MBOAT2: variants seen among roughly 807,000 people sequenced by gnomAD.
The protein encoded by MBOAT2 is membrane bound glycerophospholipid O-acyltransferase 2.
In MBOAT2, 28 loss-of-function variants were observed where a neutral mutation model predicts 63.4. The ratio of observed to expected loss-of-function variants is 0.44; its 90% CI spans 0.33 to 0.61. The LOEUF is 0.61. Ranked by LOEUF, MBOAT2 falls within the 20% of genes least tolerant of loss-of-function variation. The pLI, the probability that MBOAT2 is intolerant of heterozygous loss-of-function variation, is 0.03. For synonymous variants in MBOAT2, 211 were observed against 215.6 expected, an observed-to-expected ratio of 0.98 and a Z score of 0.19; for missense variants, 470 against 605.8, an observed-to-expected ratio of 0.78 and a Z score of 2.35.
chr2:8,871,280 G>A (rs1662311896), intron 8 of MBOAT2, among the ~76,000 whole-genome samples: 1 of 152,136 alleles, frequency 6.6e-6, no homozygotes, highest in Non-Finnish European at 1.5e-5. Context: ...TTACAGGTAT[G>A]AGCCACGTGC....
chr2:8,973,575 A>G (rs999961184), intron 1 of MBOAT2, among the ~76,000 whole-genome samples: 7 of 151,300 alleles, frequency 4.6e-5, no homozygotes, highest in African/African-American at 9.7e-5. Context: ...AAGCAACAAT[A>G]TAAGTCATAT....
chr2:8,944,633 T>C (rs538753672), intron 2 of MBOAT2, among the ~76,000 whole-genome samples: 1 of 148,912 alleles, frequency 6.7e-6, no homozygotes, highest in East Asian at 2.0e-4. Context: ...AATAGGTCAG[T>C]CTATCTGTTT....
intron 4 of MBOAT2, among the ~76,000 whole-genome samples, chr2:8,897,018 G>A (rs1035046537): frequency 1.3e-5 from 2 of 152,208 alleles, no homozygotes; most frequent in African/African-American, 4.8e-5. Flanking sequence ...AGGTGGTATT[G>A]GAGTGTTACA....
chr2:8,883,994 G>A (rs1048426545), intron 5 of MBOAT2, among the ~76,000 whole-genome samples: 20 of 151,400 alleles, frequency 1.3e-4, no homozygotes, highest in Non-Finnish European at 2.4e-4. Flanking sequence ...AGGCCAAGGC[G>A]GGTGGATCAC....
chr2:8,917,671 G>C (rs1275606213), intron 3 of MBOAT2, among the ~76,000 whole-genome samples: 1 of 152,128 alleles, frequency 6.6e-6, no homozygotes, highest in African/African-American at 2.4e-5. Context: ...TGGGAAGTTT[G>C]GCAATTTCTT....
chr2:8,941,589 G>A (rs769173436), intron 3 of MBOAT2, among the ~76,000 whole-genome samples: 6 of 151,772 alleles, frequency 4.0e-5, no homozygotes, highest in African/African-American at 1.5e-4. Flanking sequence ...GCTTAAACCC[G>A]GGAGGCAGAG....
chr2:8,864,295 ATATAT>A (rs1661704930), intron 9 of MBOAT2, 61 bp from the exon 10 acceptor site: 1 of 926,788 alleles, frequency 1.1e-6, no homozygotes, highest in South Asian at 2.0e-5. Context: ...AAATATAATA[ATATAT>A]TATTATGCTA....
At position 8,882,777 on chromosome 2, in the gene MBOAT2, C is replaced by T. The variant is rs149222154; in HGVS notation, c.452-212G>A. Among the ~76,000 whole-genome samples, 59 of 152,268 alleles carry T rather than the reference C, an allele frequency of 3.9e-4. No individual in the cohort carries two copies. In the East Asian group the frequency reaches 0.01, roughly 27 times the overall value. Reference sequence around the variant, plus strand: ...TAACACATGGTTGGGTATCTGACTCCACTCTAAGGGGAGTTATAATTAAAG... The same window carrying T: ...TAACACATGGTTGGGTATCTGACTCTACTCTAAGGGGAGTTATAATTAAAG... On this transcript the variant is annotated intron_variant, in intron 5 of 12. Transcript: ENST00000305997.
At chr2:8,896,978 C>T (rs897270471) in intron 4 of MBOAT2, among the ~76,000 whole-genome samples, 1 of 152,224 alleles carries the variant, frequency 6.6e-6, no homozygotes, top group Non-Finnish European at 1.5e-5. Flanking sequence ...TCAGTGCTTT[C>T]GGGCTATGCC....
intron 1 of MBOAT2, among the ~76,000 whole-genome samples, chr2:8,994,639 G>A (rs1672145776): frequency 6.6e-6 from 1 of 152,220 alleles, no homozygotes; most frequent in Non-Finnish European, 1.5e-5. Flanking sequence ...GAGGTCCCAA[G>A]TCATGGGTCC....
chr2:8,950,404 A>C (rs1049781660), intron 2 of MBOAT2, among the ~76,000 whole-genome samples: 6 of 152,114 alleles, frequency 3.9e-5, no homozygotes, highest in Non-Finnish European at 7.4e-5. Context: ...TCCTGTTCTC[A>C]AGGAAATGCT....
chr2:8,898,521 C>A (rs1664657558), intron 4 of MBOAT2, among the ~76,000 whole-genome samples: 1 of 152,234 alleles, frequency 6.6e-6, no homozygotes, highest in Non-Finnish European at 1.5e-5. Flanking sequence ...ACACCTAGTA[C>A]CCTTGATTAG....
intron 3 of MBOAT2, among the ~76,000 whole-genome samples, chr2:8,917,598 G>A (rs994960321): frequency 6.6e-6 from 1 of 152,166 alleles, no homozygotes; most frequent in Non-Finnish European, 1.5e-5. Context: ...CTGCTGGTGG[G>A]AACAGAAAGG....
intron 1 of MBOAT2, among the ~76,000 whole-genome samples, chr2:8,984,129 T>C (rs572799745): frequency 8.9e-4 from 136 of 152,290 alleles, no homozygotes; most frequent in Non-Finnish European, 1.2e-3. Flanking sequence ...CTTGAAAACA[T>C]ATGCTAAGTG....
At chr2:9,002,554 T>C (rs1395092530) in intron 1 of MBOAT2, among the ~76,000 whole-genome samples, 1 of 152,050 alleles carries the variant, frequency 6.6e-6, no homozygotes, top group Non-Finnish European at 1.5e-5. Flanking sequence ...GTAAGCAAAA[T>C]TTCCAAAGTT....
intron 1 of MBOAT2, among the ~76,000 whole-genome samples, chr2:8,977,767 A>G (rs943485481): frequency 6.6e-6 from 1 of 152,074 alleles, no homozygotes; most frequent in Non-Finnish European, 1.5e-5. Context: ...CCACAAGGGA[A>G]CTGCTGATTC....
intron 8 of MBOAT2, among the ~76,000 whole-genome samples, chr2:8,870,172 A>T (rs1662211814): frequency 6.6e-6 from 1 of 152,200 alleles, no homozygotes; most frequent in African/African-American, 2.4e-5. Flanking sequence ...CATGGACTAA[A>T]TGTTTTTCAA....
intron 1 of MBOAT2, among the ~76,000 whole-genome samples, chr2:8,978,490 G>C (rs932592108): frequency 1.3e-5 from 2 of 152,026 alleles, no homozygotes; most frequent in Non-Finnish European, 2.9e-5. Flanking sequence ...ATTCATTCCT[G>C]CTATGACCAT....
intron 3 of MBOAT2, among the ~76,000 whole-genome samples, chr2:8,911,390 T>A (rs1665697984): frequency 6.6e-6 from 1 of 152,298 alleles, no homozygotes; most frequent in Non-Finnish European, 1.5e-5. Flanking sequence ...ACTGGCTGTT[T>A]TTCAAGACTG....
Sources: allele counts gnomAD v4.1 joint callset (sites outside exome capture counted in the v4.1 genomes callset), GRCh38; gene constraint gnomAD v4.1.1; transcripts MANE v1.5; gene names NCBI Gene and HGNC (gene_info 2026-07-23, HGNC 2026-07-21).